GRN: variants seen among roughly 807,000 people sequenced by gnomAD.
GRN encodes the protein progranulin.
Under a neutral mutation model 66.7 loss-of-function variants are expected in GRN, and 30 were observed. The observed-to-expected ratio is 0.45, with a 90% CI of 0.34 to 0.61. The LOEUF is 0.61. Among genes scored for constraint, GRN ranks in the 20% least tolerant of loss-of-function variants. The pLI is 0.01. For missense variants in GRN, 731 were observed against 803.5 expected, an observed-to-expected ratio of 0.91 and a Z score of 1.09; for synonymous variants, 327 against 311.1, an observed-to-expected ratio of 1.05 and a Z score of -0.54.
chr17:44,349,403 T>C, intron 2 of GRN, 23 bp from the exon 3 acceptor site: 1 of 1,614,228 alleles, frequency 6.2e-7, no homozygotes, highest in Non-Finnish European at 8.5e-7. Flanking sequence ...GTCTGTGGTT[T>C]ATCATTTTCC....
Position 44,351,448 on chromosome 17 carries a change from C to T in GRN, c.921C>T (p.Cys307=), listed in dbSNP as rs1462452712. 2 of 1,612,822 alleles carry T rather than the reference C, an allele frequency of 1.2e-6. No homozygotes were observed. Among genetic ancestry groups the T allele is most frequent in the African/African-American group, 2.7e-5 (2 of 74,822 alleles). Residue 307 remains cysteine, a synonymous_variant, in exon 9 of 13, where the codon TGC becomes TGT. Coordinates refer to ENST00000053867, the MANE Select transcript of GRN (RefSeq NM_002087.4). ...CRLQSGAWGC[C]PFTQAVCCED... is the part of the protein sequence containing the mutation. The stretch of plus-strand genomic sequence containing the variant: ...TACAGTCGGGGGCCTGGGGCTGCTG[C>T]CCTTTTACCCAGGTACCCAGGGGTG...
chr17:44,352,482 G>A lies in GRN; in HGVS notation c.1555G>A (p.Val519Met), dbSNP rs141111290. The stretch of plus-strand genomic sequence containing the variant: ...TAGCCCTCACGTGGGTGTGAAGGAC[G>A]TGGAGTGTGGGGAAGGACACTTCTG... Reference protein sequence around the residue: ...ARSPHVGVKDVECGEGHFCHD... With the variant: ...ARSPHVGVKDMECGEGHFCHD... The change falls in exon 12 of 13, where the codon GTG (valine) becomes ATG (methionine). Residue 519 changes from valine (V) to methionine (M), a missense_variant. Physicochemically the swap from Val to Met is conservative, Grantham distance 21 (BLOSUM62 1). Transcript: ENST00000053867. 9.0e-5 allele frequency: 146 copies of A among 1,614,020 alleles called. No homozygotes were observed. In the Admixed American group the frequency reaches 1.4e-3, roughly 16 times the overall value.
intron 4 of GRN, 112 bp downstream of exon 4, chr17:44,349,863 ATGTGGCATC>A: frequency 1.3e-6 from 1 of 749,282 alleles, no homozygotes; most frequent in Admixed American, 2.0e-5. Flanking sequence ...GCCCTCATTC[ATGTGGCATC>A]TGTACTAAGC....
Position 44,349,516 on chromosome 17 carries a change from G to A in GRN, c.229G>A (p.Val77Ile), listed in dbSNP as rs148531161. 222 of 1,614,192 alleles carry A rather than the reference G, an allele frequency of 1.4e-4. No individual in the cohort carries two copies. The highest frequency in any genetic ancestry group is 1.7e-4 in the Non-Finnish European group (199 of 1,180,042). Reference protein sequence around the residue: ...CSAGHSCIFTVSGTSSCCPFP... With the variant: ...CSAGHSCIFTISGTSSCCPFP... Reference sequence around the variant, plus strand: ...TGCCGGCCACTCCTGCATCTTTACCGTCTCAGGGACTTCCAGTTGCTGCCC... The same window carrying A: ...TGCCGGCCACTCCTGCATCTTTACCATCTCAGGGACTTCCAGTTGCTGCCC... The change falls in exon 3 of 13, where the codon GTC becomes ATC. Residue 77 changes from valine (V) to isoleucine (I), a missense_variant. Physicochemically the swap from Val to Ile is conservative, Grantham distance 29. This residue lies in a region of GRN where 370 missense variants were observed against 379.8 expected (regional missense o/e 0.97). Coordinates refer to ENST00000053867, the MANE Select transcript of GRN (RefSeq NM_002087.4).
At chr17:44,347,504 G>T (rs1444856123) in intron 1 of GRN, among the ~76,000 whole-genome samples, 2 of 151,820 alleles carry the variant, frequency 1.3e-5, no homozygotes, top group Admixed American at 6.6e-5. Context: ...GGTCAGGCTG[G>T]TCTTGAACTC....
Position 44,350,448 on chromosome 17 carries a change from T to G in GRN, c.469T>G (p.Cys157Gly). 1 of 1,614,024 alleles carries G rather than the reference T, an allele frequency of 6.2e-7. No homozygotes were observed. Among genetic ancestry groups the G allele is most frequent in the Non-Finnish European group, 8.5e-7 (1 of 1,179,986 alleles). ...CAGGACCATTTTTTCTCAGGCTTCCTGCTGTGAAGACAGGGTGCACTGCTG... is the reference window on the plus strand; with the variant it reads ...CAGGACCATTTTTTCTCAGGCTTCCGGCTGTGAAGACAGGGTGCACTGCTG... ...WGCCPMPQAS[C>G]CEDRVHCCPH... Residue 157 changes from cysteine to glycine, a missense_variant, in exon 6 of 13, where the codon TGC becomes GGC. Around this residue, in one of 3 missense-constraint regions of GRN, gnomAD observed 370 missense variants for 379.8 expected, o/e 0.97. Transcript: ENST00000053867.
rs763968789 is a variant in GRN at position 44,350,838 on chromosome 17, C to G, written c.708+38C>G. On this transcript the variant is annotated intron_variant, in intron 7 of 12. Transcript: ENST00000053867. ...CTGGAGCCAGCTTGGCTGTGTGCCCCCAGCCACCTGGCCCTGACACGCACC... is the reference window on the plus strand; with the variant it reads ...CTGGAGCCAGCTTGGCTGTGTGCCCGCAGCCACCTGGCCCTGACACGCACC... 37 of 1,517,306 alleles carry G rather than the reference C, an allele frequency of 2.4e-5. 1 individual carries two copies. The East Asian group carries it at 8.1e-4, about 33-fold the overall frequency. 94.0% of individuals were successfully genotyped at this position (1,517,306 alleles called of 1,614,324 possible). A position where few individuals can be genotyped will look rare whatever the true frequency, so the allele number is the denominator to read the frequency against.
In GRN at chr17:44,351,294, G is replaced by C. The variant is rs979891508; in HGVS notation, c.836-69G>C. The C allele has an allele frequency of 5.2e-6, 8 of 1,524,436 alleles. No homozygotes were observed. The African/African-American group carries it at 9.6e-5, about 18-fold the overall frequency. 94.4% of individuals were successfully genotyped at this position (1,524,436 alleles called of 1,614,324 possible). Reference sequence around the variant, plus strand: ...AACACCTGGTTCCAGCTGTGGAGCCGGCAAAGGGTTGATACCCCTGAGGGT... The same window carrying C: ...AACACCTGGTTCCAGCTGTGGAGCCCGCAAAGGGTTGATACCCCTGAGGGT... On this transcript the variant is annotated intron_variant, in intron 8 of 12. Coordinates refer to ENST00000053867, the MANE Select transcript of GRN (RefSeq NM_002087.4).
Position 44,350,672 on chromosome 17 carries a change from AC to A in GRN, c.599-18del. 1 of 1,612,366 alleles carries A rather than the reference AC, an allele frequency of 6.2e-7. No individual in the cohort carries two copies. The highest frequency in any genetic ancestry group is 8.5e-7 in the Non-Finnish European group (1 of 1,178,496). The stretch of plus-strand genomic sequence containing the variant: ...GTTTCCTCCATCCTGGCTGCCCCTC[AC>A]GTTTGCTCCTCTTCCAGTGGCCTTG... On this transcript the variant is annotated intron_variant, in intron 6 of 12. Coordinates refer to ENST00000053867, the MANE Select transcript of GRN (RefSeq NM_002087.4).
At position 44,349,660 on chromosome 17, in the gene GRN, T is replaced by G; in HGVS notation, c.265-7T>G. ...CCTGCCAATGCAGGTTTCTCTGTGT[T>G]CCACAGGCCGTGGCATGCGGGGATG... On this transcript the variant is annotated splice_region_variant and splice_polypyrimidine_tract_variant and intron_variant, in intron 3 of 12. Transcript: ENST00000053867. The G allele has an allele frequency of 1.2e-6, 2 of 1,613,166 alleles. No individual in the cohort carries two copies. Among genetic ancestry groups the G allele is most frequent in the Non-Finnish European group, 1.7e-6 (2 of 1,179,168 alleles).
chr17:44,349,319 C>G lies in GRN; in HGVS notation c.138+17C>G. Reference sequence around the variant, plus strand: ...CCCCTTCTGGTGAGTGCCCCTCAGCCTAGGCAAGAGCTGGCAGCCTGGGTT... The same window carrying G: ...CCCCTTCTGGTGAGTGCCCCTCAGCGTAGGCAAGAGCTGGCAGCCTGGGTT... On this transcript the variant is annotated intron_variant, in intron 2 of 12. Transcript: ENST00000053867. The G allele has an allele frequency of 3.1e-6, 5 of 1,613,994 alleles. No homozygotes were observed. The highest frequency in any genetic ancestry group is 4.2e-6 in the Non-Finnish European group (5 of 1,179,992).
At chr17:44,349,836 C>G in intron 4 of GRN, 85 bp downstream of exon 4, 2 of 877,872 alleles carry the variant, frequency 2.3e-6, no homozygotes, top group Non-Finnish European at 3.8e-6. Flanking sequence ...GGGGGCAGCC[C>G]TGATTCCTGC....
chr17:44,351,605 C>A lies in GRN; in HGVS notation c.989C>A (p.Thr330Lys). Reference protein sequence around the residue: ...HCCPAGFTCDTQKGTCEQGPH... With the variant: ...HCCPAGFTCDKQKGTCEQGPH... ...TGTCCCGCGGGGTTTACGTGTGACA[C>A]GCAGAAGGGTACCTGTGAACAGGGG... Residue 330 changes from threonine to lysine, a missense_variant, in exon 10 of 13, where the codon ACG becomes AAG. By Grantham distance (78) the Thr-to-Lys change is moderately conservative. Transcript: ENST00000053867. The A allele has an allele frequency of 6.2e-7, 1 of 1,613,940 alleles. No individual in the cohort carries two copies.
At chr17:44,346,363 G>C (rs2048326476) in intron 1 of GRN, 1 of 152,592 alleles carries the variant, frequency 6.6e-6, no homozygotes, top group South Asian at 2.1e-4. Flanking sequence ...AAAGCCAGGT[G>C]GAGCAGAGAG....
chr17:44,349,156 AGGCAGACCATGT>A lies in GRN; in HGVS notation c.-6_6del. 1 of 1,614,056 alleles carries A rather than the reference AGGCAGACCATGT, an allele frequency of 6.2e-7. No homozygotes were observed. The highest frequency in any genetic ancestry group is 8.5e-7 in the Non-Finnish European group (1 of 1,179,994). ...TGCCAGACGTTCCTTGGTACTTTGC[AGGCAGACCATGT>A]GGACCCTGGTGAGCTGGGTGGCCTT... On this transcript the variant is annotated splice_acceptor_variant and coding_sequence_variant and 5_prime_UTR_variant, in exon 2 of 13. Coordinates refer to ENST00000053867, the MANE Select transcript of GRN (RefSeq NM_002087.4). LOFTEE classifies it high-confidence loss of function.
Position 44,349,495 on chromosome 17 carries a change from G to A in GRN, c.208G>A (p.Gly70Ser), listed in dbSNP as rs772381732. ...CCAGGTTGATGCCCACTGCTCTGCCGGCCACTCCTGCATCTTTACCGTCTC... is the reference window on the plus strand; with the variant it reads ...CCAGGTTGATGCCCACTGCTCTGCCAGCCACTCCTGCATCTTTACCGTCTC... ...PCQVDAHCSA[G>S]HSCIFTVSGT... Residue 70 changes from glycine (G) to serine (S), a missense_variant, in exon 3 of 13, where the codon GGC (glycine) becomes AGC (serine). Transcript: ENST00000053867. 6.2e-5 allele frequency: 100 copies of A among 1,614,032 alleles called. No homozygotes were observed. Among genetic ancestry groups the A allele is most frequent in the South Asian group, 1.8e-4 (16 of 91,088 alleles).
Position 44,352,907 on chromosome 17 carries a change from T to A in GRN, c.*109T>A. 9.3e-7 allele frequency: 1 copy of A among 1,072,186 alleles called. No homozygotes were observed. Among genetic ancestry groups the A allele is most frequent in the Non-Finnish European group, 1.4e-6 (1 of 720,396 alleles). The allele number at this position is 1,072,186 out of a possible 1,614,324, so 66.4% of individuals were successfully genotyped here. ...ACCAAATTCTCCCTGGACCCCATTC[T>A]GAGCTCCCCATCACCATGGGAGGTG... On this transcript the variant is annotated 3_prime_UTR_variant, in exon 13 of 13. Transcript: ENST00000053867.
intron 4 of GRN, 43 bp from the exon 5 acceptor site, chr17:44,350,185 T>A (rs760406212): frequency 2.8e-5 from 36 of 1,308,072 alleles, no homozygotes; most frequent in Non-Finnish European, 3.9e-5. Flanking sequence ...GGAGTCACCT[T>A]CCCTGAGTGG....
At chr17:44,349,068 C>G in intron 1 of GRN, 90 bp from the exon 2 acceptor site, 1 of 1,431,282 alleles carries the variant, frequency 7.0e-7, no homozygotes, top group South Asian at 1.1e-5. Context: ...TGGGCCAGGA[C>G]CTTGGCCTGG....
Sources: allele counts gnomAD v4.1 joint callset (sites outside exome capture counted in the v4.1 genomes callset), GRCh38; gene constraint gnomAD v4.1.1; regional missense constraint gnomAD v4.1.1; transcripts MANE v1.5; gene names NCBI Gene and HGNC (gene_info 2026-07-23, HGNC 2026-07-21).